PLA1A: variants seen among roughly 807,000 people sequenced by gnomAD.
The protein encoded by PLA1A is phospholipase A1 member A, also known as phosphatidylserine-specific phospholipase A1alpha.
PLA1A carries 47 observed loss-of-function variants against 49.4 expected under a neutral mutation model. The ratio of observed to expected loss-of-function variants is 0.95; its 90% CI spans 0.75 to 1.21. The LOEUF is 1.21. Among genes scored for constraint, PLA1A ranks in the 50% most tolerant of loss-of-function variants. The pLI is 0.00. For missense variants in PLA1A, 561 were observed against 563.9 expected (o/e 0.99, Z 0.05); for synonymous variants, 224 against 207.9 (o/e 1.08, Z -0.67).
At chr3:119,628,073 C>A (rs56316402) in intron 9 of PLA1A, among the ~76,000 whole-genome samples, 8,583 of 152,270 alleles carry the variant, frequency 0.056, 370 homozygotes, top group South Asian at 0.14. Context: ...TGAGTCTCCT[C>A]AGCTGAAGTC....
chr3:119,623,061 T>A (rs1043298102), intron 8 of PLA1A, among the ~76,000 whole-genome samples: 1 of 152,192 alleles, frequency 6.6e-6, no homozygotes, highest in African/African-American at 2.4e-5. Context: ...ACTCCTGACC[T>A]CAGATGATCT....
At chr3:119,611,287 C>G (rs2082761773) in intron 4 of PLA1A, among the ~76,000 whole-genome samples, 1 of 152,060 alleles carries the variant, frequency 6.6e-6, no homozygotes, top group South Asian at 2.1e-4. Flanking sequence ...TTAGGATTAC[C>G]TTGGCTATTT....
In PLA1A at chr3:119,614,554, G is replaced by A. The variant is rs374484664; in HGVS notation, c.664+1436G>A. On this transcript the variant is annotated intron_variant, in intron 5 of 10. Transcript: ENST00000273371. ...CCAGGAGGCAGAGCTTGCAGTGAGC[G>A]GAGATCTTGCCACTGCACTCCAGCC... Among the ~76,000 whole-genome samples, 44 of 150,010 alleles carry A rather than the reference G, an allele frequency of 2.9e-4. No individual in the cohort carries two copies. The South Asian group carries it at 4.2e-3, about 14-fold the overall frequency.
At chr3:119,607,317 A>G (rs1280021144) in intron 2 of PLA1A, among the ~76,000 whole-genome samples, 5 of 152,108 alleles carry the variant, frequency 3.3e-5, no homozygotes, top group Non-Finnish European at 7.4e-5. Flanking sequence ...AGAAACTTCC[A>G]TTTATGGGTG....
chr3:119,627,469 T>G (rs928263787), intron 9 of PLA1A, among the ~76,000 whole-genome samples: 1 of 152,214 alleles, frequency 6.6e-6, no homozygotes, highest in Admixed American at 6.5e-5. Context: ...AAAGAGGGAA[T>G]GGTTTTTAAA....
chr3:119,602,255 G>T (rs950225088), intron 1 of PLA1A, among the ~76,000 whole-genome samples: 2 of 152,108 alleles, frequency 1.3e-5, no homozygotes, highest in Non-Finnish European at 2.9e-5. Context: ...GAATTCCTCT[G>T]TGAAACTCTC....
intron 8 of PLA1A, among the ~76,000 whole-genome samples, chr3:119,623,741 T>G (rs2082978046): frequency 1.8e-5 from 2 of 111,612 alleles, no homozygotes. Context: ...TTTTTTTTTT[T>G]GAGACAGAGT....
chr3:119,623,462 C>T (rs112357590), intron 8 of PLA1A, among the ~76,000 whole-genome samples: 1,809 of 152,156 alleles, frequency 0.012, 27 homozygotes, highest in African/African-American at 0.041. Context: ...TCTTTCTTAC[C>T]TTCTCTTGCC....
chr3:119,604,399 G>C (rs1046961635), intron 1 of PLA1A, among the ~76,000 whole-genome samples: 1 of 152,116 alleles, frequency 6.6e-6, no homozygotes, highest in Non-Finnish European at 1.5e-5. Flanking sequence ...AGAAGATGTG[G>C]TATACATACA....
chr3:119,619,775 C>A, intron 8 of PLA1A, 123 bp downstream of exon 8: 1 of 739,304 alleles, frequency 1.4e-6, no homozygotes. Context: ...GGTGTGGCAA[C>A]AGCCCCTGGT....
intron 5 of PLA1A, among the ~76,000 whole-genome samples, chr3:119,614,652 T>C (rs2082820455): frequency 6.6e-6 from 1 of 150,642 alleles, no homozygotes; most frequent in Admixed American, 6.6e-5. Flanking sequence ...TATCCTTAAA[T>C]TTGCTAAATA....
At chr3:119,601,013 CTT>C (rs2082611287) in intron 1 of PLA1A, among the ~76,000 whole-genome samples, 1 of 152,218 alleles carries the variant, frequency 6.6e-6, no homozygotes. Context: ...CCTGCAGTGT[CTT>C]CCCGAGGAGC....
chr3:119,604,684 A>G (rs1468046154), intron 1 of PLA1A, among the ~76,000 whole-genome samples: 1 of 152,224 alleles, frequency 6.6e-6, no homozygotes, highest in East Asian at 1.9e-4. Context: ...ACACTTAAAA[A>G]AGGTAAAGAT....
intron 8 of PLA1A, among the ~76,000 whole-genome samples, chr3:119,624,046 T>C (rs1192745524): frequency 1.3e-5 from 2 of 152,198 alleles, no homozygotes; most frequent in Admixed American, 6.5e-5. Context: ...ACCTTTAGTT[T>C]ATGTCTTAGT....
In PLA1A at chr3:119,619,668, T is replaced by C. The variant is rs762699585; in HGVS notation, c.1012+16T>C. On this transcript the variant is annotated intron_variant, in intron 8 of 10. Coordinates refer to ENST00000273371, the MANE Select transcript of PLA1A (RefSeq NM_015900.4). ...CCGTACTGCAGTGAGTAGGGGGAAATGCATGAGCTCAGCTCTGCCAGGGCA... is the reference window on the plus strand; with the variant it reads ...CCGTACTGCAGTGAGTAGGGGGAAACGCATGAGCTCAGCTCTGCCAGGGCA... 1 of 1,542,666 alleles carries C rather than the reference T, an allele frequency of 6.5e-7. No individual in the cohort carries two copies. Among genetic ancestry groups the C allele is most frequent in the Non-Finnish European group, 9.0e-7 (1 of 1,114,686 alleles).
In PLA1A at chr3:119,629,429, T is replaced by A; in HGVS notation, c.1332T>A (p.Ser444Arg). 1 of 1,611,904 alleles carries A rather than the reference T, an allele frequency of 6.2e-7. No homozygotes were observed. Among genetic ancestry groups the A allele is most frequent in the Non-Finnish European group, 8.5e-7 (1 of 1,178,070 alleles). Residue 444 changes from serine to arginine, a missense_variant, in exon 11 of 11, where the codon AGT becomes AGA. Coordinates refer to ENST00000273371, the MANE Select transcript of PLA1A (RefSeq NM_015900.4). ...CLPEPVNLQA[S>R]VTVSCDLKIA... ...CTGAACCAGTGAACTTACAAGCAAG[T>A]GTGACTGTTTCCTGTGACCTGAAGA... is the stretch of plus-strand genomic sequence containing the variant.
intron 9 of PLA1A, among the ~76,000 whole-genome samples, chr3:119,627,923 C>G (rs541966648): frequency 3.4e-4 from 52 of 152,318 alleles, no homozygotes; most frequent in Admixed American, 2.7e-3. Context: ...TGGAAGCACC[C>G]TGCTAGGTTG....
At chr3:119,616,705 T>A (rs1560083700) in intron 6 of PLA1A, among the ~76,000 whole-genome samples, 2 of 152,270 alleles carry the variant, frequency 1.3e-5, no homozygotes, top group African/African-American at 4.8e-5. Context: ...TCTAACATTT[T>A]AAGGATTCCT....
chr3:119,612,933 C>T (rs2082788968), intron 4 of PLA1A, 84 bp from the exon 5 acceptor site: 1 of 871,128 alleles, frequency 1.1e-6, no homozygotes. Flanking sequence ...ATGATCTGCA[C>T]TGGAAGGGTG....
Sources: allele counts gnomAD v4.1 joint callset (sites outside exome capture counted in the v4.1 genomes callset), GRCh38; gene constraint gnomAD v4.1.1; transcripts MANE v1.5; gene names NCBI Gene and HGNC (gene_info 2026-07-23, HGNC 2026-07-21).